Variants in LRRC45 observed in about 807,000 individuals in gnomAD.
LRRC45 encodes the protein leucine rich repeat containing 45, also known as leucine-rich repeat-containing protein 45.
In LRRC45, 73 loss-of-function variants were observed where a neutral mutation model predicts 85.4. That is an observed-to-expected ratio of 0.85 (90% CI 0.71 to 1.04). LRRC45 has a LOEUF of 1.04. Among genes scored for constraint, LRRC45 ranks in the 50% least tolerant of loss-of-function variants. LRRC45 has a pLI of 0.00. For synonymous variants in LRRC45, 429 were observed against 386.0 expected, an observed-to-expected ratio of 1.11 and a Z score of -1.31; for missense variants, 937 against 883.3, an observed-to-expected ratio of 1.06 and a Z score of -0.77.
At chr17:82,024,417 G>A (rs1373410798) in intron 2 of LRRC45, 78 bp downstream of exon 2, 12 of 1,551,682 alleles carry the variant, frequency 7.7e-6, no homozygotes, top group South Asian at 1.1e-5. Flanking sequence ...CAGGTCTCGG[G>A]GGCCTGGGGT....
Position 82,024,704 on chromosome 17 carries a change from T to A in LRRC45, c.294T>A (p.Leu98=), listed in dbSNP as rs1261068365. The A allele has an allele frequency of 6.4e-7, 1 of 1,572,318 alleles. No homozygotes were observed. The highest frequency in any genetic ancestry group is 8.6e-7 in the Non-Finnish European group (1 of 1,163,178). ...LRFLDLKGNN[L]RAAGAEALGK... is the part of the protein sequence containing the mutation. ...TGTTTCTCTCCTAGGGCAACAACCTTCGGGCTGCAGGGGCCGAGGCTCTGG... is the reference window on the plus strand; with the variant it reads ...TGTTTCTCTCCTAGGGCAACAACCTACGGGCTGCAGGGGCCGAGGCTCTGG... Residue 98 remains leucine (L), a synonymous_variant, in exon 3 of 17, where the codon CTT becomes CTA. Coordinates refer to ENST00000306688, the MANE Select transcript of LRRC45 (RefSeq NM_144999.4).
At position 82,030,130 on chromosome 17, in the gene LRRC45, G is replaced by A; in HGVS notation, c.1560G>A (p.Gln520=). The A allele has an allele frequency of 6.5e-7, 1 of 1,547,994 alleles. No homozygotes were observed. Among genetic ancestry groups the A allele is most frequent in the Non-Finnish European group, 8.7e-7 (1 of 1,146,946 alleles). Residue 520 remains glutamine, a synonymous_variant, in exon 15 of 17, where the codon CAG becomes CAA. Transcript: ENST00000306688. ...TGGCGCAGGCACGGGACGAGGCGCAGGGCGCTTGCCTACAGCAGAAGCAGG... is the reference window on the plus strand; with the variant it reads ...TGGCGCAGGCACGGGACGAGGCGCAAGGCGCTTGCCTACAGCAGAAGCAGG... ...RLLAQARDEA[Q]GACLQQKQVV...
chr17:82,024,638 G>A, intron 2 of LRRC45, 55 bp from the exon 3 acceptor site: 10 of 1,534,820 alleles, frequency 6.5e-6, no homozygotes, highest in Non-Finnish European at 8.8e-6. Flanking sequence ...GGCATGGGCG[G>A]GAATTCAGAG....
intron 16 of LRRC45, 22 bp downstream of exon 16, chr17:82,030,488 C>G: frequency 6.5e-7 from 1 of 1,535,208 alleles, no homozygotes; most frequent in Non-Finnish European, 8.7e-7. Flanking sequence ...CCTTGTCCTC[C>G]CGCCGCCCAC....
In LRRC45 at chr17:82,023,880, G is replaced by A. The variant is rs1356005827; in HGVS notation, c.220+17G>A. 2 of 1,545,794 alleles carry A rather than the reference G, an allele frequency of 1.3e-6. No individual in the cohort carries two copies. Among genetic ancestry groups the A allele is most frequent in the Non-Finnish European group, 1.7e-6 (2 of 1,147,076 alleles). ...GCGAGGAAGGTGGGCAGGCGCGGCGGGGTGGATCCCTCTGCTCCTTAGCTG... is the reference window on the plus strand; with the variant it reads ...GCGAGGAAGGTGGGCAGGCGCGGCGAGGTGGATCCCTCTGCTCCTTAGCTG... On this transcript the variant is annotated intron_variant, in intron 1 of 16. Transcript: ENST00000306688.
At position 82,024,312 on chromosome 17, in the gene LRRC45, C is replaced by T. The variant is rs1418864056; in HGVS notation, c.255C>T (p.Asn85=). The part of the protein sequence containing the change: ...ATLLLRGLCA[N]TVLRFLDLKG... Reference sequence around the variant, plus strand: ...TGCTGCTCCGAGGCCTGTGTGCCAACACCGTGCTGCGCTTTCTGGACTTAA... The same window carrying T: ...TGCTGCTCCGAGGCCTGTGTGCCAATACCGTGCTGCGCTTTCTGGACTTAA... Residue 85 remains asparagine (N), a synonymous_variant, in exon 2 of 17, where the codon AAC becomes AAT. Transcript: ENST00000306688. 1.2e-6 allele frequency: 2 copies of T among 1,612,514 alleles called. No individual in the cohort carries two copies. The highest frequency in any genetic ancestry group is 3.3e-5 in the Admixed American group (2 of 60,020).
In LRRC45 at chr17:82,030,343, A is replaced by C. The variant is rs749230963; in HGVS notation, c.1693A>C (p.Arg565=). ...GGAGCTGAGCCTCAAGGACCAGGAA[A>C]GGGTGGCCGAGGTGAGCAGGGTGCG... ...QQELSLKDQE[R]VAEVSRVRVE... Residue 565 remains arginine, a synonymous_variant, in exon 16 of 17, where the codon AGG becomes CGG. Transcript: ENST00000306688. 2.4e-5 allele frequency: 37 copies of C among 1,549,570 alleles called. No individual in the cohort carries two copies. The highest frequency in any genetic ancestry group is 5.5e-5 in the African/African-American group (4 of 73,058).
rs767352645 is a variant in LRRC45, at chr17:82,024,316, G to A, written c.259G>A (p.Val87Met). The A allele has an allele frequency of 3.7e-6, 6 of 1,612,352 alleles. No individual in the cohort carries two copies. The highest frequency in any genetic ancestry group is 1.3e-5 in the African/African-American group (1 of 74,910). The change falls in exon 2 of 17, where the codon GTG becomes ATG. Residue 87 changes from valine (V) to methionine (M), a missense_variant. Transcript: ENST00000306688. ...GCTCCGAGGCCTGTGTGCCAACACC[G>A]TGCTGCGCTTTCTGGACTTAAAGGT... is the stretch of plus-strand genomic sequence containing the variant. ...LLLRGLCANT[V>M]LRFLDLKGNN...
At position 82,030,164 on chromosome 17, in the gene LRRC45, G is replaced by T; in HGVS notation, c.1594G>T (p.Glu532Ter). 6.5e-7 allele frequency: 1 copy of T among 1,546,868 alleles called. No homozygotes were observed. Among genetic ancestry groups the T allele is most frequent in the Middle Eastern group, 1.8e-4 (1 of 5,556 alleles). ...ACLQQKQVVA[E>*]AQTRVSQLGL... ...CCTACAGCAGAAGCAGGTGGTGGCC[G>T]AGGCCCAGACCCGGGTCAGCCAGCT... Residue 532 changes from glutamate to a stop codon, truncating the protein, a stop_gained, in exon 15 of 17, where the codon GAG (glutamate) becomes TAG (stop). Transcript: ENST00000306688. LOFTEE classifies it high-confidence loss of function.
intron 13 of LRRC45, 24 bp from the exon 14 acceptor site, chr17:82,029,519 G>T (rs1224948662): frequency 1.9e-6 from 3 of 1,553,474 alleles, no homozygotes; most frequent in East Asian, 4.9e-5. Flanking sequence ...AGGAGAACGG[G>T]CTGGCAGGTG....
intron 7 of LRRC45, 64 bp from the exon 8 acceptor site, chr17:82,027,610 C>T (rs1181265016): frequency 3.8e-6 from 6 of 1,562,806 alleles, no homozygotes; most frequent in African/African-American, 1.4e-5. Flanking sequence ...GCTACCGAGG[C>T]CAGAGGGGTA....
chr17:82,030,267 G>A, intron 15 of LRRC45, 29 bp downstream of exon 15: 1 of 1,536,248 alleles, frequency 6.5e-7, no homozygotes, highest in South Asian at 1.2e-5. Flanking sequence ...GGGGGCCCCG[G>A]GCGTGCTAGC....
chr17:82,027,858 G>T (rs2043381920), intron 8 of LRRC45, 107 bp downstream of exon 8: 1 of 1,519,526 alleles, frequency 6.6e-7, no homozygotes, highest in Non-Finnish European at 8.9e-7. Context: ...GGTGGGAAAT[G>T]GTGAGGCTGG....
At position 82,023,563 on chromosome 17, in the gene LRRC45, G is replaced by T. The variant is rs913633533; in HGVS notation, c.-81G>T. The T allele has an allele frequency of 1.9e-5, 24 of 1,295,178 alleles. No individual in the cohort carries two copies. The highest frequency in any genetic ancestry group is 6.1e-5 in the African/African-American group (4 of 65,978). The allele number at this position is 1,295,178 out of a possible 1,614,324, so 80.2% of individuals were successfully genotyped here. A position where few individuals can be genotyped will look rare whatever the true frequency, so the allele number is the denominator to read the frequency against. On this transcript the variant is annotated 5_prime_UTR_variant, in exon 1 of 17. Transcript: ENST00000306688. The stretch of plus-strand genomic sequence containing the variant: ...GGAGGCCCCGTCTCCTGTACCCGGC[G>T]CTGGGACTGCTCCGCACCGCGCGGC...
chr17:82,028,119 G>A lies in LRRC45; in HGVS notation c.1020G>A (p.Gln340=). ...EQEQLSLSQR[Q]AKELKLEQQE... ...AGCAGCTGAGCCTGTCACAGAGGCAGGCCAAGGAGCTCAAGCTGGAGCAGC... is the reference window on the plus strand; with the variant it reads ...AGCAGCTGAGCCTGTCACAGAGGCAAGCCAAGGAGCTCAAGCTGGAGCAGC... The change falls in exon 9 of 17, where the codon CAG becomes CAA. Residue 340 remains glutamine, a synonymous_variant. Transcript: ENST00000306688. The A allele has an allele frequency of 6.4e-7, 1 of 1,572,986 alleles. No individual in the cohort carries two copies. The highest frequency in any genetic ancestry group is 8.6e-7 in the Non-Finnish European group (1 of 1,160,184).
rs1322812855 is a variant in LRRC45 at position 82,030,095 on chromosome 17, C to G, written c.1525C>G (p.Leu509Val). Residue 509 changes from leucine to valine, a missense_variant, in exon 15 of 17, where the codon CTG becomes GTG. Physicochemically the swap from Leu to Val is conservative, Grantham distance 32 (BLOSUM62 1). Coordinates refer to ENST00000306688, the MANE Select transcript of LRRC45 (RefSeq NM_144999.4). The stretch of plus-strand genomic sequence containing the variant: ...GCGCCTGGCTCACCTGGAGGACAAG[C>G]TGAGACTGCTGGCGCAGGCACGGGA... Reference protein sequence around the residue: ...QQRLAHLEDKLRLLAQARDEA... With the variant: ...QQRLAHLEDKVRLLAQARDEA... 3.9e-6 allele frequency: 6 copies of G among 1,546,736 alleles called. No individual in the cohort carries two copies. The South Asian group carries it at 6.0e-5, about 15-fold the overall frequency.
In LRRC45 at chr17:82,025,522, T is replaced by C; in HGVS notation, c.661+15T>C. 2 of 1,544,366 alleles carry C rather than the reference T, an allele frequency of 1.3e-6. No individual in the cohort carries two copies. The highest frequency in any genetic ancestry group is 1.7e-6 in the Non-Finnish European group (2 of 1,144,350). On this transcript the variant is annotated intron_variant, in intron 5 of 16. Transcript: ENST00000306688. The stretch of plus-strand genomic sequence containing the variant: ...CAGAGCCGTGGGTACGGTGCAGGGC[T>C]GTGTGGAGTGACGCGTGAGCCTTTG...
Position 82,027,659 on chromosome 17 carries a change from C to T in LRRC45, c.834-15C>T. ...GGGTTTGGGTTACTCTCTGCACCCT[C>T]CTCTCTGCCCACAGGGCGTCGGCAG... On this transcript the variant is annotated splice_polypyrimidine_tract_variant and intron_variant, in intron 7 of 16. Transcript: ENST00000306688. 1.2e-6 allele frequency: 2 copies of T among 1,606,386 alleles called. No homozygotes were observed. Among genetic ancestry groups the T allele is most frequent in the Non-Finnish European group, 8.5e-7 (1 of 1,177,422 alleles).
chr17:82,026,348 A>C lies in LRRC45; in HGVS notation c.662-551A>C, dbSNP rs116163140. 7.6e-3 allele frequency among the ~76,000 whole-genome samples: 1,160 copies of C among 152,178 alleles called. 16 individuals are homozygous for C. Among genetic ancestry groups the C allele is most frequent in the African/African-American group, 0.027 (1,115 of 41,498 alleles). On this transcript the variant is annotated intron_variant, in intron 5 of 16. Transcript: ENST00000306688. ...GAGCAGCTCCCACCACCTCTGCCCCACATGTGCACGCGCTCCCCAACACCA... is the reference window on the plus strand; with the variant it reads ...GAGCAGCTCCCACCACCTCTGCCCCCCATGTGCACGCGCTCCCCAACACCA...
Sources: allele counts gnomAD v4.1 joint callset (sites outside exome capture counted in the v4.1 genomes callset), GRCh38; gene constraint gnomAD v4.1.1; transcripts MANE v1.5; gene names NCBI Gene and HGNC (gene_info 2026-07-23, HGNC 2026-07-21).